Variants in MACROD2 observed in about 807,000 individuals in gnomAD.
MACROD2 encodes the protein mono-ADP ribosylhydrolase 2, also known as ADP-ribose glycohydrolase MACROD2.
Under a neutral mutation model 70.4 loss-of-function variants are expected in MACROD2, and 36 were observed. The ratio of observed to expected loss-of-function variants is 0.51; its 90% CI spans 0.39 to 0.68. The LOEUF is 0.68. Ranked by LOEUF, MACROD2 falls within the 30% of genes least tolerant of loss-of-function variation. MACROD2 has a pLI of 0.00. For synonymous variants in MACROD2, 172 were observed against 178.8 expected, an observed-to-expected ratio of 0.96 and a Z score of 0.30; for missense variants, 496 against 538.4, an observed-to-expected ratio of 0.92 and a Z score of 0.78.
intron 5 of MACROD2, among the ~76,000 whole-genome samples, chr20:14,874,686 T>G (rs1047133898): frequency 5.1e-4 from 77 of 149,560 alleles, no homozygotes; most frequent in African/African-American, 1.8e-3. Flanking sequence ...TATTTATTTA[T>G]TTATTTATTT....
intron 8 of MACROD2, among the ~76,000 whole-genome samples, chr20:15,512,192 A>G (rs976816824): frequency 6.6e-6 from 1 of 152,336 alleles, no homozygotes; most frequent in South Asian, 2.1e-4. Context: ...TTCTACTCAC[A>G]AGCACTTGAC....
At chr20:14,400,903 A>C (rs1382138422) in intron 3 of MACROD2, among the ~76,000 whole-genome samples, 1 of 152,180 alleles carries the variant, frequency 6.6e-6, no homozygotes, top group Admixed American at 6.5e-5. Flanking sequence ...AATATCCATT[A>C]GTACTTATGA....
In MACROD2 at chr20:15,775,078, C is replaced by T. The variant is rs575390365; in HGVS notation, c.646-87667C>T. On this transcript the variant is annotated intron_variant, in intron 8 of 17. Coordinates refer to ENST00000684519, the MANE Select transcript of MACROD2 (RefSeq NM_001351661.2). ...CCTCCAGTCAGAAGCCAGAAACAGA[C>T]ACTTTGAGGGAGGGGCAAAGGGAAC... Among the ~76,000 whole-genome samples, 38 of 152,178 alleles carry T rather than the reference C, an allele frequency of 2.5e-4. 1 individual carries two copies. In the South Asian group the frequency reaches 7.5e-3, roughly 30 times the overall value.
chr20:15,183,284 T>C (rs1444196031), intron 5 of MACROD2, among the ~76,000 whole-genome samples: 1 of 152,072 alleles, frequency 6.6e-6, no homozygotes, highest in Non-Finnish European at 1.5e-5. Context: ...CCTATAATCC[T>C]AGAACTTTGG....
At chr20:15,422,557 C>G (rs1055988894) in intron 6 of MACROD2, among the ~76,000 whole-genome samples, 2 of 152,106 alleles carry the variant, frequency 1.3e-5, no homozygotes, top group Non-Finnish European at 2.9e-5. Flanking sequence ...TGATCACAGG[C>G]TTGTTCATGG....
chr20:15,681,751 G>A (rs8120538), intron 8 of MACROD2, among the ~76,000 whole-genome samples: 3,661 of 152,202 alleles, frequency 0.024, 148 homozygotes, highest in African/African-American at 0.083. Flanking sequence ...GAGTTTCATC[G>A]TGACGACTTC....
chr20:14,655,991 G>A (rs1255663859), intron 4 of MACROD2, among the ~76,000 whole-genome samples: 1 of 152,146 alleles, frequency 6.6e-6, no homozygotes, highest in Non-Finnish European at 1.5e-5. Flanking sequence ...GAGCTGTAGG[G>A]TCCCCTGCCG....
intron 9 of MACROD2, among the ~76,000 whole-genome samples, chr20:15,865,242 T>C (rs1012245945): frequency 1.3e-5 from 2 of 152,156 alleles, no homozygotes; most frequent in African/African-American, 4.8e-5. Context: ...CAATGCATGA[T>C]AAAACAATAA....
intron 15 of MACROD2, among the ~76,000 whole-genome samples, chr20:16,024,776 G>T (rs1255946319): frequency 6.6e-6 from 1 of 152,174 alleles, no homozygotes; most frequent in East Asian, 1.9e-4. Flanking sequence ...AAGGGGGAGG[G>T]GGTGTTCCTG....
intron 3 of MACROD2, among the ~76,000 whole-genome samples, chr20:14,147,341 G>A (rs934321025): frequency 4.6e-5 from 7 of 152,132 alleles, no homozygotes; most frequent in Non-Finnish European, 7.3e-5. Flanking sequence ...AATAGAAGTT[G>A]AGCCTCAGTT....
chr20:14,009,401 A>G (rs538550418), intron 2 of MACROD2, among the ~76,000 whole-genome samples: 10 of 152,348 alleles, frequency 6.6e-5, no homozygotes, highest in African/African-American at 2.4e-4. Flanking sequence ...ATGCAAATGC[A>G]AATCAAAACC....
Position 14,719,861 on chromosome 20 carries a change from C to G in MACROD2, c.418+34902C>G, listed in dbSNP as rs551283128. ...TGTGTGCGCAATCTTCAGCCAAGTC[C>G]CACCAGAGCATTGGCCCTTCAGTGG... On this transcript the variant is annotated intron_variant, in intron 5 of 17. Coordinates refer to ENST00000684519, the MANE Select transcript of MACROD2 (RefSeq NM_001351661.2). Among the ~76,000 whole-genome samples the G allele has an allele frequency of 2.4e-4, 36 of 152,224 alleles. No individual in the cohort carries two copies. The South Asian group carries it at 6.6e-3, about 28-fold the overall frequency.
chr20:15,171,621 C>T (rs1886831286), intron 5 of MACROD2, among the ~76,000 whole-genome samples: 1 of 151,668 alleles, frequency 6.6e-6, no homozygotes, highest in Admixed American at 6.6e-5. Flanking sequence ...AGTCTCTCTT[C>T]TCTCTCTCTC....
intron 13 of MACROD2, among the ~76,000 whole-genome samples, chr20:15,975,272 C>T (rs2066289400): frequency 6.6e-6 from 1 of 152,060 alleles, no homozygotes; most frequent in Non-Finnish European, 1.5e-5. Flanking sequence ...TCCAAACACG[C>T]TCGCATAATA....
intron 8 of MACROD2, among the ~76,000 whole-genome samples, chr20:15,592,894 A>G (rs1369757857): frequency 2.0e-5 from 3 of 152,140 alleles, no homozygotes; most frequent in African/African-American, 7.2e-5. Context: ...AAATGGGTTC[A>G]AGCTTTTACC....
chr20:14,197,539 G>A (rs4814287), intron 3 of MACROD2, among the ~76,000 whole-genome samples: 23,858 of 151,898 alleles, frequency 0.16, 1,995 homozygotes, highest in East Asian at 0.26. Context: ...AGGCCAAGGC[G>A]GGCAGATCAC....
intron 5 of MACROD2, among the ~76,000 whole-genome samples, chr20:15,103,238 A>C (rs1007375707): frequency 4.6e-4 from 70 of 152,164 alleles, no homozygotes; most frequent in Admixed American, 4.5e-3. Flanking sequence ...CCTTCTTTCC[A>C]TTCTACCAGT....
chr20:14,151,059 A>G (rs562181313), intron 3 of MACROD2, among the ~76,000 whole-genome samples: 45 of 152,352 alleles, frequency 3.0e-4, no homozygotes, highest in African/African-American at 1.0e-3. Context: ...AGAAGAAGTA[A>G]TGTGCTAGTA....
At chr20:15,952,385 GA>G (rs745952934) in intron 12 of MACROD2, among the ~76,000 whole-genome samples, 46 of 148,604 alleles carry the variant, frequency 3.1e-4, no homozygotes, top group Non-Finnish European at 6.2e-4. Context: ...AGGAAAATCA[GA>G]AACCATTTTT....
Sources: allele counts gnomAD v4.1 joint callset (sites outside exome capture counted in the v4.1 genomes callset), GRCh38; gene constraint gnomAD v4.1.1; transcripts MANE v1.5; gene names NCBI Gene and HGNC (gene_info 2026-07-23, HGNC 2026-07-21).